The following CERS4 variants were observed in gnomAD, a reference collection of about 807,000 sequenced individuals.
The protein encoded by CERS4 is ceramide synthase 4, also known as LAG1 homolog, ceramide synthase 4.
In CERS4, 65 loss-of-function variants were observed where a neutral mutation model predicts 51.8. That is an observed-to-expected ratio of 1.26 (90% confidence interval 1.03 to 1.54). The LOEUF (loss-of-function observed/expected upper bound fraction) is 1.54. Among genes scored for constraint, CERS4 ranks in the 40% most tolerant of loss-of-function variants. CERS4 has a pLI of 0.00. For missense variants in CERS4, 563 were observed against 500.4 expected (o/e 1.13, Z -1.19); for synonymous variants, 228 against 208.4 (o/e 1.09, Z -0.81).
intron 2 of CERS4, chr19:8,238,702 A>G (rs1968381508): frequency 1.7e-6 from 1 of 601,254 alleles, no homozygotes; most frequent in African/African-American, 2.0e-5. Context: ...TTGCCAGGGA[A>G]TGGTTCCAAG....
chr19:8,261,268 CTG>C (rs1428107081), intron 10 of CERS4: 1 of 176,472 alleles, frequency 5.7e-6, no homozygotes, highest in African/African-American at 2.4e-5. Flanking sequence ...GCCCTGCTCC[CTG>C]TGTCTTCCTG....
intron 2 of CERS4, among the ~76,000 whole-genome samples, chr19:8,236,331 T>C (rs1000529434): frequency 3.9e-5 from 6 of 151,992 alleles, no homozygotes; most frequent in African/African-American, 9.7e-5. Context: ...GTTAGTAAGG[T>C]TTTCTTTGGA....
At chr19:8,258,031 CTG>C (rs1298844579) in intron 10 of CERS4, 46 bp downstream of exon 10, 1 of 1,438,998 alleles carries the variant, frequency 6.9e-7, no homozygotes, top group Admixed American at 1.7e-5. Context: ...GAGGGCGTGT[CTG>C]AGATTCCAGG....
At chr19:8,260,638 T>C (rs1312715718) in intron 10 of CERS4, among the ~76,000 whole-genome samples, 1 of 150,636 alleles carries the variant, frequency 6.6e-6, no homozygotes, top group Non-Finnish European at 1.5e-5. Context: ...AACAGTGGGA[T>C]TGGAGTTGAT....
At chr19:8,238,472 C>T in intron 2 of CERS4, 2 of 983,134 alleles carry the variant, frequency 2.0e-6, no homozygotes, top group Non-Finnish European at 2.4e-6. Context: ...TGGGGCTGGT[C>T]TTGGGAATCA....
At chr19:8,217,189 A>G (rs1352502709) in intron 2 of CERS4, among the ~76,000 whole-genome samples, 1 of 152,094 alleles carries the variant, frequency 6.6e-6, no homozygotes, top group Non-Finnish European at 1.5e-5. Context: ...AAAAGGCGAC[A>G]TTAGGGCTGG....
intron 2 of CERS4, among the ~76,000 whole-genome samples, chr19:8,245,124 A>AAACAAAAAAAACAAAAAAAAACAAAC (rs1568523487): frequency 2.0e-5 from 3 of 146,768 alleles, no homozygotes; most frequent in African/African-American, 7.3e-5. Context: ...AAAAAAAAAA[A>AAACAAAAAAAACAAAAAAAAACAAAC]AAAAAAAAAA....
rs1821180742 is a variant in CERS4, at chr19:8,251,057, CTG to C, written c.-1-18_-1-17del. Reference sequence around the variant, plus strand: ...TTCTGCTTGCAGACCTCCCAGCTAACTGGAACCTGTGTCCACAGAATGCTGTC... The same window carrying C: ...TTCTGCTTGCAGACCTCCCAGCTAACGAACCTGTGTCCACAGAATGCTGTC... On this transcript the variant is annotated splice_polypyrimidine_tract_variant and intron_variant, in intron 2 of 11. Transcript: ENST00000251363. 6.4e-7 allele frequency: 1 copy of C among 1,564,008 alleles called. No homozygotes were observed. Among genetic ancestry groups the C allele is most frequent in the African/African-American group, 1.4e-5 (1 of 73,274 alleles).
intron 2 of CERS4, among the ~76,000 whole-genome samples, chr19:8,249,876 C>T (rs1244168246): frequency 1.3e-5 from 2 of 151,998 alleles, no homozygotes; most frequent in Non-Finnish European, 2.9e-5. Flanking sequence ...GGCAGTGAGC[C>T]ACTGAGCCCG....
rs371355985 is a variant in CERS4 at position 8,218,559 on chromosome 19, C to T, written c.-2+7697C>T. 1.1e-4 allele frequency among the ~76,000 whole-genome samples: 16 copies of T among 152,202 alleles called. No homozygotes were observed. In the East Asian group the frequency reaches 1.7e-3, roughly 17 times the overall value. ...GGAGGCCAGGACAGGGCAGTGCGTT[C>T]GGCCAGGTCACAAAGGCCTCGAATG... On this transcript the variant is annotated intron_variant, in intron 2 of 11. Coordinates refer to ENST00000251363, the MANE Select transcript of CERS4 (RefSeq NM_024552.3).
At chr19:8,234,944 A>G (rs1380912841) in intron 2 of CERS4, among the ~76,000 whole-genome samples, 1 of 148,712 alleles carries the variant, frequency 6.7e-6, no homozygotes, top group Non-Finnish European at 1.5e-5. Context: ...TGACAGGTTT[A>G]TTTCATTCAG....
intron 2 of CERS4, among the ~76,000 whole-genome samples, chr19:8,248,991 TGATGGGTGGATGGACAGATGTTTG>T (rs368307651): frequency 0.04 from 6,003 of 150,754 alleles, 145 homozygotes; most frequent in African/African-American, 0.051. Context: ...AACAGATGAA[TGATGGGTGGATGGACAGATGTTTG>T]GATGGGTGGA....
chr19:8,217,569 C>T (rs1175415319), intron 2 of CERS4, among the ~76,000 whole-genome samples: 1 of 149,828 alleles, frequency 6.7e-6, no homozygotes, highest in Non-Finnish European at 1.5e-5. Context: ...TGGAGTCTCG[C>T]TCTTTCACCC....
In CERS4 at chr19:8,257,339, A is replaced by G. The variant is rs1269299271; in HGVS notation, c.741+262A>G. ...GCCTTCTCAGCTTCCTTGGGAGATG[A>G]GGCCCTGCCCCCCATCTTCCTGGGA... On this transcript the variant is annotated intron_variant, in intron 9 of 11. Transcript: ENST00000251363. Among the ~76,000 whole-genome samples the G allele has an allele frequency of 3.3e-5, 5 of 151,956 alleles. No individual in the cohort carries two copies. In the South Asian group the frequency reaches 1.0e-3, roughly 32 times the overall value.
At chr19:8,228,797 G>A (rs1967891378) in intron 2 of CERS4, among the ~76,000 whole-genome samples, 1 of 152,002 alleles carries the variant, frequency 6.6e-6, no homozygotes, top group African/African-American at 2.4e-5. Flanking sequence ...GCCAAGGTGA[G>A]AGGATCACTT....
At chr19:8,246,107 CAAAA>C (rs752091505) in intron 2 of CERS4, among the ~76,000 whole-genome samples, 4 of 148,318 alleles carry the variant, frequency 2.7e-5, no homozygotes, top group East Asian at 2.0e-4. Context: ...AACAAAAAAA[CAAAA>C]AAACTGGAAT....
Position 8,245,122 on chromosome 19 carries a change from A to AAAAACAAAACAAAAAAAAAC in CERS4, c.-1-5950_-1-5949insCAAAACAAAAAAAAACAAAA, listed in dbSNP as rs1555777239. On this transcript the variant is annotated intron_variant, in intron 2 of 11. Transcript: ENST00000251363. Reference sequence around the variant, plus strand: ...GCGAGACTCCATCTCAAAAAAAAAAAAAAAAAAAAAAAACACTCTTGGCTT... The same window carrying AAAAACAAAACAAAAAAAAAC: ...GCGAGACTCCATCTCAAAAAAAAAAAAAAACAAAACAAAAAAAAACAAAAAAAAAAAAACACTCTTGGCTT... Among the ~76,000 whole-genome samples the AAAAACAAAACAAAAAAAAAC allele has an allele frequency of 2.3e-5, 3 of 129,284 alleles. No individual in the cohort carries two copies. The East Asian group carries it at 6.7e-4, about 29-fold the overall frequency. The allele number at this position is 129,284 out of a possible 152,430, so 84.8% of individuals were successfully genotyped here.
chr19:8,256,506 C>T, intron 7 of CERS4, 112 bp from the exon 8 acceptor site: 1 of 1,102,642 alleles, frequency 9.1e-7, no homozygotes, highest in Middle Eastern at 2.1e-4. Flanking sequence ...GGAGCTCACT[C>T]ATTGGGATTC....
intron 2 of CERS4, among the ~76,000 whole-genome samples, chr19:8,235,982 T>A (rs1599546168): frequency 6.6e-6 from 1 of 151,652 alleles, no homozygotes; most frequent in Non-Finnish European, 1.5e-5. Flanking sequence ...GATCACGAGG[T>A]CAGGAGATCA....
Sources: allele counts gnomAD v4.1 joint callset (sites outside exome capture counted in the v4.1 genomes callset), GRCh38; gene constraint gnomAD v4.1.1; transcripts MANE v1.5; gene names NCBI Gene and HGNC (gene_info 2026-07-23, HGNC 2026-07-21).